Variants in ADGRE3 observed in about 807,000 individuals in gnomAD.
ADGRE3 encodes adhesion G protein-coupled receptor E3.
ADGRE3 carries 88 observed loss-of-function variants against 80.1 expected under a neutral mutation model. The observed-to-expected ratio is 1.10, with a 90% CI of 0.93 to 1.31. The LOEUF (loss-of-function observed/expected upper bound fraction) is 1.31. ADGRE3 is among the 40% of genes most tolerant of loss of function. The pLI is 0.00. For missense variants in ADGRE3, 715 were observed against 776.5 expected (o/e 0.92, Z 0.94); for synonymous variants, 281 against 294.8 (o/e 0.95, Z 0.48).
chr19:14,629,265 GT>G (rs981080857), intron 14 of ADGRE3, among the ~76,000 whole-genome samples: 15 of 152,198 alleles, frequency 9.9e-5, no homozygotes, highest in Non-Finnish European at 2.1e-4. Flanking sequence ...CTGCTTGGGT[GT>G]TTTTTTCCAT....
chr19:14,636,437 C>G (rs1971091353), intron 11 of ADGRE3, among the ~76,000 whole-genome samples: 1 of 151,496 alleles, frequency 6.6e-6, no homozygotes, highest in Admixed American at 6.6e-5. Flanking sequence ...GCACTCCTGG[C>G]CTCAAACGAT....
intron 11 of ADGRE3, 64 bp downstream of exon 11, chr19:14,638,041 G>A: frequency 1.7e-6 from 2 of 1,177,316 alleles, no homozygotes; most frequent in South Asian, 2.5e-5. Flanking sequence ...CCATCATCAT[G>A]AATGCTGCCC....
At chr19:14,643,928 T>C (rs112947316) in intron 9 of ADGRE3, among the ~76,000 whole-genome samples, 180 bp downstream of exon 9, 129 of 152,004 alleles carry the variant, frequency 8.5e-4, no homozygotes, top group African/African-American at 3.0e-3. Flanking sequence ...CCAGGCTGGT[T>C]TCAAACTCTT....
rs530890592 is a variant in ADGRE3, at chr19:14,665,953, T to C, written c.77-2413A>G. Among the ~76,000 whole-genome samples the C allele has an allele frequency of 1.8e-3, 210 of 119,296 alleles. 22 individuals are homozygous for C. The highest frequency in any genetic ancestry group is 4.9e-3 in the African/African-American group (169 of 34,404). 78.3% of individuals were successfully genotyped at this position (119,296 alleles called of 152,430 possible). On this transcript the variant is annotated intron_variant, in intron 2 of 15. Transcript: ENST00000253673. ...ACATATGTGTATATATATATATATA[T>C]ATATATATATATATATATATATATA...
At chr19:14,637,255 T>A (rs1399532578) in intron 11 of ADGRE3, among the ~76,000 whole-genome samples, 1 of 152,178 alleles carries the variant, frequency 6.6e-6, no homozygotes, top group Non-Finnish European at 1.5e-5. Context: ...TGATTTTGTC[T>A]GCTGTACCCT....
chr19:14,630,044 G>A lies in ADGRE3; in HGVS notation c.1807C>T (p.Gln603Ter). The change falls in exon 14 of 16, where the codon CAG (glutamine) becomes TAG (stop). Residue 603 changes from glutamine to a stop codon, truncating the protein, a stop_gained. Transcript: ENST00000253673. LOFTEE classifies it high-confidence loss of function. ...FIFLVYCLLSQQVQKQYQKWF... is the reference protein window; with the variant it reads ...FIFLVYCLLS Reference sequence around the variant, plus strand: ...AGAAAGGGGTCAGTGTTTACCTGCTGGCTGAGGAGGCAGTAGACCAAGAAG... The same window carrying A: ...AGAAAGGGGTCAGTGTTTACCTGCTAGCTGAGGAGGCAGTAGACCAAGAAG... 6.2e-7 allele frequency: 1 copy of A among 1,603,608 alleles called. No individual in the cohort carries two copies. The highest frequency in any genetic ancestry group is 1.1e-5 in the South Asian group (1 of 90,192).
chr19:14,636,518 C>T (rs1037815234), intron 11 of ADGRE3, among the ~76,000 whole-genome samples: 1 of 151,930 alleles, frequency 6.6e-6, no homozygotes, highest in Non-Finnish European at 1.5e-5. Flanking sequence ...TAAAGCTCTT[C>T]TTTCTATTAT....
In ADGRE3 at chr19:14,638,138, G is replaced by A. The variant is rs1971150635; in HGVS notation, c.1451C>T (p.Ala484Val). 1.2e-6 allele frequency: 2 copies of A among 1,613,940 alleles called. No homozygotes were observed. The highest frequency in any genetic ancestry group is 2.7e-5 in the African/African-American group (2 of 74,922). ...VPAVTVAISA[A>V]SWPHLYGTAD... ...AGTTCCATAAAGGTGAGGCCAGGAGGCTGCAGAAATGGCCACAGTCACAGC... is the reference window on the plus strand; with the variant it reads ...AGTTCCATAAAGGTGAGGCCAGGAGACTGCAGAAATGGCCACAGTCACAGC... The change falls in exon 11 of 16, where the codon GCC (alanine) becomes GTC (valine). Residue 484 changes from alanine (A) to valine (V), a missense_variant. Transcript: ENST00000253673.
chr19:14,600,591 T>TC, the ADGRE3 span, among the ~76,000 whole-genome samples: 4 of 151,970 alleles, frequency 2.6e-5, no homozygotes, highest in African/African-American at 9.7e-5. Context: ...TCTTTTCTTT[T>TC]TTTTTTTTGA....
rs1555755831 is a variant in ADGRE3 at position 14,636,137 on chromosome 19, T to TTCCTTCCTTCCTTC, written c.1484+1967_1484+1968insGAAGGAAGGAAGGA. Among the ~76,000 whole-genome samples the TTCCTTCCTTCCTTC allele has an allele frequency of 4.3e-3, 134 of 31,336 alleles. 9 individuals carry two copies. Among genetic ancestry groups the TTCCTTCCTTCCTTC allele is most frequent in the South Asian group, 0.02 (8 of 410 alleles). The allele number at this position is 31,336 out of a possible 152,430, so 20.6% of individuals were successfully genotyped here. A position where few individuals can be genotyped will look rare whatever the true frequency, so the allele number is the denominator to read the frequency against. ...TTCTTTCTTTCTTTCTTTCTTTCTT[T>TTCCTTCCTTCCTTC]CTTTCTTTCTTTCTTCCTTTCCTCC... On this transcript the variant is annotated intron_variant, in intron 11 of 15. Transcript: ENST00000253673.
intron 6 of ADGRE3, among the ~76,000 whole-genome samples, chr19:14,652,914 C>T (rs1345470249): frequency 3.3e-5 from 5 of 151,620 alleles, no homozygotes; most frequent in Admixed American, 3.3e-4. Context: ...TGTTTTTGGC[C>T]TACTGTTTCA....
At chr19:14,627,157 C>T (rs1970756662) in intron 14 of ADGRE3, among the ~76,000 whole-genome samples, 1 of 152,122 alleles carries the variant, frequency 6.6e-6, no homozygotes, top group South Asian at 2.1e-4. Context: ...TATCCCTGAC[C>T]TCCACCAACT....
chr19:14,638,058 G>C, intron 11 of ADGRE3, 47 bp downstream of exon 11: 1 of 1,417,658 alleles, frequency 7.1e-7, no homozygotes, highest in Non-Finnish European at 1.0e-6. Context: ...GCCCTCAAAA[G>C]CTTTCTTAGG....
the ADGRE3 span, among the ~76,000 whole-genome samples, chr19:14,609,769 C>T: frequency 6.6e-6 from 1 of 151,910 alleles, no homozygotes; most frequent in African/African-American, 2.4e-5. Flanking sequence ...ACCCAGGAGA[C>T]AGAGGTTGCA....
At chr19:14,603,584 C>T in the ADGRE3 span, among the ~76,000 whole-genome samples, 3 of 152,014 alleles carry the variant, frequency 2.0e-5, no homozygotes, top group African/African-American at 7.2e-5. Context: ...TTTAGCCTCC[C>T]AAGTAACTGG....
the ADGRE3 span, chr19:14,606,907 A>T: frequency 1.7e-6 from 1 of 572,960 alleles, no homozygotes; most frequent in East Asian, 3.7e-5. Flanking sequence ...CCCAAGCCCT[A>T]AATATGTAGG....
intron 5 of ADGRE3, among the ~76,000 whole-genome samples, chr19:14,655,629 T>A (rs1437434376): frequency 2.0e-5 from 3 of 151,850 alleles, no homozygotes; most frequent in East Asian, 1.9e-4. Context: ...TTAATTTTTT[T>A]AATTTTTTTT....
At chr19:14,660,698 T>C (rs1971923483) in intron 4 of ADGRE3, among the ~76,000 whole-genome samples, 1 of 151,994 alleles carries the variant, frequency 6.6e-6, no homozygotes, top group African/African-American at 2.4e-5. Flanking sequence ...CCAAGTCTCA[T>C]CTCTTTTCTC....
At chr19:14,667,766 C>T (rs1041915889) in intron 2 of ADGRE3, among the ~76,000 whole-genome samples, 1 of 152,154 alleles carries the variant, frequency 6.6e-6, no homozygotes, top group Non-Finnish European at 1.5e-5. Context: ...AAATATGGCA[C>T]ATGTATACCT....
Sources: gnomAD v4.1 joint callset for allele counts (sites outside exome capture counted in the v4.1 genomes callset) on GRCh38, gnomAD v4.1.1 for gene constraint, MANE v1.5 for transcripts, NCBI Gene and HGNC (gene_info 2026-07-23, HGNC 2026-07-21) for gene names.